The following WDFY3 variants were observed in gnomAD, a reference collection of about 807,000 sequenced individuals.
The protein encoded by WDFY3 is WD repeat and FYVE domain containing 3.
In WDFY3, 66 loss-of-function variants were observed where a neutral mutation model predicts 409.6. That is an observed-to-expected ratio of 0.16 (90% CI 0.13 to 0.20). The LOEUF (loss-of-function observed/expected upper bound fraction) is 0.20. Ranked by LOEUF, WDFY3 falls within the 10% of genes least tolerant of loss-of-function variation. The pLI is 1.00. For missense variants in WDFY3, 3,031 were observed against 4,298.1 expected, an observed-to-expected ratio of 0.71 and a Z score of 8.24; for synonymous variants, 1,521 against 1,537.1, an observed-to-expected ratio of 0.99 and a Z score of 0.25.
At chr4:84,702,256 G>C in intron 56 of WDFY3, 97 bp downstream of exon 56, 1 of 1,293,860 alleles carries the variant, frequency 7.7e-7, no homozygotes, top group Non-Finnish European at 1.0e-6. Context: ...TTTTTTTCTT[G>C]TTAATGTGTG....
intron 3 of WDFY3, among the ~76,000 whole-genome samples, chr4:84,887,658 C>CT (rs753890552): frequency 1.3e-5 from 2 of 152,274 alleles, no homozygotes; most frequent in Non-Finnish European, 2.9e-5. Context: ...GGTATGCCTA[C>CT]TTTATACATT....
chr4:84,792,060 T>C (rs1748628471), intron 21 of WDFY3, among the ~76,000 whole-genome samples: 1 of 152,204 alleles, frequency 6.6e-6, no homozygotes, highest in Admixed American at 6.5e-5. Context: ...CCAGTATTTT[T>C]CACTGCATGT....
Position 84,817,472 on chromosome 4 carries a change from C to A in WDFY3, c.1807G>T (p.Asp603Tyr). ...CCCAGGAGAGTGCCCATGTCATCGT[C>A]CCCATTTGGGGAGAGCACCAGCTGT... is the stretch of plus-strand genomic sequence containing the variant. ...IQQLVLSPNG[D>Y]DDMGTLLGLM... Residue 603 changes from aspartate to tyrosine, a missense_variant, in exon 13 of 68, where the codon GAC becomes TAC. By Grantham distance (160) the Asp-to-Tyr change is radical. Coordinates refer to ENST00000295888, the MANE Select transcript of WDFY3 (RefSeq NM_014991.6). 3 of 1,613,786 alleles carry A rather than the reference C, an allele frequency of 1.9e-6. No homozygotes were observed. Among genetic ancestry groups the A allele is most frequent in the Non-Finnish European group, 2.5e-6 (3 of 1,179,790 alleles).
In WDFY3 at chr4:84,778,046, T is replaced by C. The variant is rs565534368; in HGVS notation, c.4518+457A>G. On this transcript the variant is annotated intron_variant, in intron 27 of 67. Coordinates refer to ENST00000295888, the MANE Select transcript of WDFY3 (RefSeq NM_014991.6). ...AAAAGAAGTGATAGTTATTCTAGTA[T>C]GAATAGGAGAAGGATTGATTAGGGC... Among the ~76,000 whole-genome samples, 15 of 152,196 alleles carry C rather than the reference T, an allele frequency of 9.9e-5. No homozygotes were observed. In the East Asian group the frequency reaches 2.9e-3, roughly 29 times the overall value.
intron 35 of WDFY3, among the ~76,000 whole-genome samples, chr4:84,752,831 T>G (rs115499719): frequency 0.021 from 3,251 of 152,276 alleles, 53 homozygotes; most frequent in Non-Finnish European, 0.031. Context: ...ATCTTTTGGG[T>G]GTGTTTTATC....
rs781661796 is a variant in WDFY3 at position 84,831,423 on chromosome 4, C to T, written c.759G>A (p.Lys253=). Residue 253 remains lysine, a synonymous_variant, in exon 8 of 68, where the codon AAG becomes AAA. Coordinates refer to ENST00000295888, the MANE Select transcript of WDFY3 (RefSeq NM_014991.6). The part of the protein sequence containing the change: ...SRHGLSVNVV[K]YIHEKECLST... ...TAAAGAGATATTCACCATGAATATA[C>T]TTCACTACATTGACACTAAGACCAT... 2.5e-6 allele frequency: 4 copies of T among 1,603,504 alleles called. No homozygotes were observed. In the East Asian group the frequency reaches 6.7e-5, roughly 27 times the overall value.
chr4:84,679,841 T>C (rs61660610), intron 64 of WDFY3, among the ~76,000 whole-genome samples: 29,185 of 140,810 alleles, frequency 0.21, 2,920 homozygotes, highest in South Asian at 0.34. Context: ...TATATATATA[T>C]ACACACACAC....
At chr4:84,746,730 A>C (rs1468858181) in intron 36 of WDFY3, among the ~76,000 whole-genome samples, 1 of 152,136 alleles carries the variant, frequency 6.6e-6, no homozygotes, top group Non-Finnish European at 1.5e-5. Flanking sequence ...TTTTCTTTTT[A>C]AACAATTCAC....
In WDFY3 at chr4:84,900,334, T is replaced by A. The variant is rs117591535; in HGVS notation, c.-131-3324A>T. Among the ~76,000 whole-genome samples, 106 of 152,232 alleles carry A rather than the reference T, an allele frequency of 7.0e-4. 1 individual carries two copies. In the East Asian group the frequency reaches 0.02, roughly 29 times the overall value. The stretch of plus-strand genomic sequence containing the variant: ...TCGAACTACTGGACTCAAGCAATCC[T>A]CTTGCCTTAGCCTCCCGAGTATCTG... On this transcript the variant is annotated intron_variant, in intron 2 of 67. Transcript: ENST00000295888.
intron 30 of WDFY3, among the ~76,000 whole-genome samples, chr4:84,768,315 A>G (rs1381800074): frequency 2.0e-5 from 3 of 152,172 alleles, no homozygotes; most frequent in Non-Finnish European, 4.4e-5. Flanking sequence ...TTTTTCCAAC[A>G]ACTTCCTATT....
rs145215931 is a variant in WDFY3, at chr4:84,893,768, T to C, written c.-32+3143A>G. The stretch of plus-strand genomic sequence containing the variant: ...TTGGGAGGCTGAGGCAGGTAGATCA[T>C]AAGGTCAGGAGTTCAAAACCAGCCT... On this transcript the variant is annotated intron_variant, in intron 3 of 67. Coordinates refer to ENST00000295888, the MANE Select transcript of WDFY3 (RefSeq NM_014991.6). 5.2e-3 allele frequency among the ~76,000 whole-genome samples: 786 copies of C among 152,184 alleles called. 6 individuals carry two copies. The highest frequency in any genetic ancestry group is 0.018 in the African/African-American group (739 of 41,534).
chr4:84,686,709 G>A (rs1426076058), intron 62 of WDFY3, among the ~76,000 whole-genome samples: 1 of 152,150 alleles, frequency 6.6e-6, no homozygotes, highest in Non-Finnish European at 1.5e-5. Flanking sequence ...TGAGGCTTGG[G>A]TGGGTTCCTG....
At chr4:84,964,904 G>A (rs1775431529) in intron 1 of WDFY3, among the ~76,000 whole-genome samples, 1 of 152,172 alleles carries the variant, frequency 6.6e-6, no homozygotes, top group Non-Finnish European at 1.5e-5. Context: ...AGCAGCTTGA[G>A]ATAGAATGGT....
chr4:84,794,927 C>A lies in WDFY3; in HGVS notation c.3220G>T (p.Val1074Phe). Reference protein sequence around the residue: ...APHNAPTNNTVTTGLIDGAVV... With the variant: ...APHNAPTNNTFTTGLIDGAVV... ...GCCCCATCAATAAGACCTGTTGTGA[C>A]GGTATTATTTGTAGGAGCATTATGA... The change falls in exon 20 of 68, where the codon GTC (valine) becomes TTC (phenylalanine). Residue 1074 changes from valine to phenylalanine, a missense_variant. Val to Phe is a conservative substitution (Grantham distance 50). Coordinates refer to ENST00000295888, the MANE Select transcript of WDFY3 (RefSeq NM_014991.6). 6.3e-7 allele frequency: 1 copy of A among 1,577,146 alleles called. No individual in the cohort carries two copies. The highest frequency in any genetic ancestry group is 8.6e-7 in the Non-Finnish European group (1 of 1,165,810).
chr4:84,947,438 G>A (rs1773004963), intron 1 of WDFY3, among the ~76,000 whole-genome samples: 1 of 150,314 alleles, frequency 6.7e-6, no homozygotes, highest in Non-Finnish European at 1.5e-5. Context: ...CTTGAACTCG[G>A]GAGGTGGAGG....
chr4:84,834,422 G>C (rs1756254447), intron 7 of WDFY3, among the ~76,000 whole-genome samples: 1 of 151,960 alleles, frequency 6.6e-6, no homozygotes, highest in South Asian at 2.1e-4. Context: ...TGAGGCGGGA[G>C]GATCACTTGA....
chr4:84,809,582 A>G (rs901920703), intron 14 of WDFY3: 6 of 242,650 alleles, frequency 2.5e-5, no homozygotes, highest in Non-Finnish European at 7.9e-6. Flanking sequence ...TTTTGAGGCT[A>G]AAAAGAAAAA....
chr4:84,925,265 T>G (rs933890167), intron 2 of WDFY3, among the ~76,000 whole-genome samples: 1 of 152,198 alleles, frequency 6.6e-6, no homozygotes, highest in Non-Finnish European at 1.5e-5. Flanking sequence ...ATTGTTCTCA[T>G]TTGTTAACTT....
Position 84,786,133 on chromosome 4 carries a change from T to A in WDFY3, c.3908A>T (p.Asp1303Val). 1 of 1,595,398 alleles carries A rather than the reference T, an allele frequency of 6.3e-7. No homozygotes were observed. The highest frequency in any genetic ancestry group is 8.5e-7 in the Non-Finnish European group (1 of 1,173,262). Residue 1303 changes from aspartate (D) to valine (V), a missense_variant, in exon 24 of 68, where the codon GAT (aspartate) becomes GTT (valine). Transcript: ENST00000295888. ...TGGCACCACCCCTTCGGATTTTGCA[T>A]CTTTACCTTCAAAAGAAGAATAATT... ...SFQAVCMPCK[D>V]AKSEGVVPSP... is the part of the protein sequence containing the mutation.
Sources: allele counts gnomAD v4.1 joint callset (sites outside exome capture counted in the v4.1 genomes callset), GRCh38; gene constraint gnomAD v4.1.1; transcripts MANE v1.5; gene names NCBI Gene and HGNC (gene_info 2026-07-23, HGNC 2026-07-21).